TAFA2: variants seen among roughly 807,000 people sequenced by gnomAD.
The protein encoded by TAFA2 is chemokine-like protein TAFA-2.
In TAFA2, 7 loss-of-function variants were observed where a neutral mutation model predicts 18.8. The observed-to-expected ratio is 0.37, with a 90% confidence interval of 0.21 to 0.70. The LOEUF (loss-of-function observed/expected upper bound fraction) is 0.70. Ranked by LOEUF, TAFA2 falls within the 30% of genes least tolerant of loss-of-function variation. The pLI is 0.53. For synonymous variants in TAFA2, 60 were observed against 54.2 expected (o/e 1.11, Z -0.47); for missense variants, 122 against 158.1 (o/e 0.77, Z 1.23).
At chr12:61,992,365 C>A (rs1482890396) in intron 1 of TAFA2, among the ~76,000 whole-genome samples, 1 of 152,162 alleles carries the variant, frequency 6.6e-6, no homozygotes, top group Non-Finnish European at 1.5e-5. Flanking sequence ...CCACAGGCTT[C>A]AATCCATAGG....
At chr12:62,038,387 T>G (rs928497146) in intron 1 of TAFA2, among the ~76,000 whole-genome samples, 6 of 152,068 alleles carry the variant, frequency 3.9e-5, no homozygotes, top group African/African-American at 1.4e-4. Context: ...ATCCACAAAC[T>G]CGACCAACTG....
chr12:62,098,472 A>G lies in TAFA2; in HGVS notation c.-2+92787T>C, dbSNP rs544517520. On this transcript the variant is annotated intron_variant, in intron 1 of 4. Coordinates refer to ENST00000416284, the MANE Select transcript of TAFA2 (RefSeq NM_178539.5). Reference sequence around the variant, plus strand: ...CCATGTGGAAAAATCCTTCCAAAATAGGACAAAAGTATCAAAAAATAGACA... The same window carrying G: ...CCATGTGGAAAAATCCTTCCAAAATGGGACAAAAGTATCAAAAAATAGACA... 3.3e-5 allele frequency among the ~76,000 whole-genome samples: 5 copies of G among 152,258 alleles called. No homozygotes were observed. The East Asian group carries it at 7.7e-4, about 24-fold the overall frequency.
intron 1 of TAFA2, among the ~76,000 whole-genome samples, chr12:62,089,804 G>A (rs970821994): frequency 8.5e-5 from 13 of 152,050 alleles, no homozygotes; most frequent in African/African-American, 3.1e-4. Flanking sequence ...AGGTTTTCAT[G>A]ATCAACAGCT....
chr12:62,134,200 G>C lies in TAFA2; in HGVS notation c.-2+57059C>G, dbSNP rs1296570752. On this transcript the variant is annotated intron_variant, in intron 1 of 4. Transcript: ENST00000416284. Reference sequence around the variant, plus strand: ...ACAAACCTACAGCCTTTCCCAGATTGCTATCACAATACTGTTGATACAAAC... The same window carrying C: ...ACAAACCTACAGCCTTTCCCAGATTCCTATCACAATACTGTTGATACAAAC... 6.6e-5 allele frequency among the ~76,000 whole-genome samples: 10 copies of C among 151,838 alleles called. 1 individual carries two copies. The highest frequency in any genetic ancestry group is 6.6e-4 in the Admixed American group (10 of 15,206).
chr12:61,947,248 A>T (rs1359255780), intron 1 of TAFA2, among the ~76,000 whole-genome samples: 1 of 145,456 alleles, frequency 6.9e-6, no homozygotes, highest in Non-Finnish European at 1.5e-5. Context: ...ATAGGTGGGA[A>T]TTGAACAATG....
intron 2 of TAFA2, among the ~76,000 whole-genome samples, chr12:61,858,160 G>A (rs897898666): frequency 6.6e-6 from 1 of 152,222 alleles, no homozygotes; most frequent in African/African-American, 2.4e-5. Flanking sequence ...CACGAGCCCT[G>A]TGAAACATTG....
chr12:61,738,300 C>CACACAG (rs1207186543), intron 4 of TAFA2, among the ~76,000 whole-genome samples: 3 of 139,376 alleles, frequency 2.2e-5, no homozygotes, highest in Admixed American at 7.5e-5. Flanking sequence ...AACACACACA[C>CACACAG]ACACACACAC....
At chr12:61,801,160 G>A (rs1190513860) in intron 2 of TAFA2, among the ~76,000 whole-genome samples, 1 of 152,006 alleles carries the variant, frequency 6.6e-6, no homozygotes, top group Non-Finnish European at 1.5e-5. Flanking sequence ...TTCATGAATT[G>A]GAAGAATTAA....
intron 1 of TAFA2, among the ~76,000 whole-genome samples, chr12:61,958,219 A>G (rs947713306): frequency 6.6e-6 from 1 of 152,124 alleles, no homozygotes; most frequent in Admixed American, 6.6e-5. Flanking sequence ...CAATCCCTCC[A>G]AGATATCCAG....
intron 1 of TAFA2, among the ~76,000 whole-genome samples, chr12:61,871,112 G>A (rs535150863): frequency 2.6e-5 from 4 of 151,992 alleles, no homozygotes; most frequent in Non-Finnish European, 5.9e-5. Context: ...AAAAAGAGTC[G>A]GGGGGGCATG....
In TAFA2 at chr12:61,770,861, A is replaced by T. The variant is rs534726131; in HGVS notation, c.107-15837T>A. Among the ~76,000 whole-genome samples the T allele has an allele frequency of 2.6e-5, 4 of 152,226 alleles. No homozygotes were observed. In the East Asian group the frequency reaches 5.8e-4, roughly 22 times the overall value. On this transcript the variant is annotated intron_variant, in intron 2 of 4. Coordinates refer to ENST00000416284, the MANE Select transcript of TAFA2 (RefSeq NM_178539.5). ...AGAAACCCAAGGTATCAAAGCAATA[A>T]CTAGTACAGTGAATAGAAGAGTACC...
intron 1 of TAFA2, among the ~76,000 whole-genome samples, chr12:62,023,191 A>T (rs1216709671): frequency 6.6e-6 from 1 of 152,194 alleles, no homozygotes; most frequent in East Asian, 1.9e-4. Context: ...TGAATGAAAT[A>T]ACAATGGATT....
At chr12:62,242,359 G>C (rs1178323740) in intron 1 of TAFA2, 1 of 151,960 alleles carries the variant, frequency 6.6e-6, no homozygotes, top group Non-Finnish European at 1.5e-5. Context: ...CAAGATAGAA[G>C]ATAAAAGTAT....
At chr12:62,072,044 C>T (rs1400310306) in intron 1 of TAFA2, among the ~76,000 whole-genome samples, 1 of 152,198 alleles carries the variant, frequency 6.6e-6, no homozygotes, top group Non-Finnish European at 1.5e-5. Context: ...TTTTCACACT[C>T]ATTTTTCTCC....
At chr12:62,118,389 T>G (rs1870052309) in intron 1 of TAFA2, among the ~76,000 whole-genome samples, 1 of 152,128 alleles carries the variant, frequency 6.6e-6, no homozygotes, top group Non-Finnish European at 1.5e-5. Context: ...TGATGTCTAT[T>G]TAGATTGTTT....
intron 1 of TAFA2, among the ~76,000 whole-genome samples, chr12:61,907,410 C>T (rs922693296): frequency 1.3e-5 from 2 of 152,186 alleles, no homozygotes; most frequent in Admixed American, 1.3e-4. Flanking sequence ...AGCCCCAAGT[C>T]TTGGCAGCTT....
rs1872559479 is a variant in TAFA2 at position 61,827,077 on chromosome 12, T to C, written c.106+40243A>G. 6 of 151,996 alleles carry C rather than the reference T, an allele frequency of 3.9e-5. No individual in the cohort carries two copies. The South Asian group carries it at 1.0e-3, about 26-fold the overall frequency. The allele number at this position is 151,996 out of a possible 1,614,324, so 9.4% of individuals were successfully genotyped here. A position where few individuals can be genotyped will look rare whatever the true frequency, so the allele number is the denominator to read the frequency against. On this transcript the variant is annotated intron_variant, in intron 2 of 4. Coordinates refer to ENST00000416284, the MANE Select transcript of TAFA2 (RefSeq NM_178539.5). Reference sequence around the variant, plus strand: ...CCATTCCTTTGCAATTGCAGGTAGATATATGATTCAGTTTTGGTCAAAGTG... The same window carrying C: ...CCATTCCTTTGCAATTGCAGGTAGACATATGATTCAGTTTTGGTCAAAGTG...
rs560812636 is a variant in TAFA2 at position 62,029,037 on chromosome 12, G to T, written c.-1-161611C>A. 1.6e-3 allele frequency among the ~76,000 whole-genome samples: 251 copies of T among 152,152 alleles called. 1 individual carries two copies. Among genetic ancestry groups the T allele is most frequent in the African/African-American group, 5.8e-3 (242 of 41,518 alleles). ...ATATGCATTAGAAAATTTATAAAGAGATTTTTTAACTGAATAATATGTTAA... is the reference window on the plus strand; with the variant it reads ...ATATGCATTAGAAAATTTATAAAGATATTTTTTAACTGAATAATATGTTAA... On this transcript the variant is annotated intron_variant, in intron 1 of 4. Transcript: ENST00000416284.
At chr12:62,054,447 C>A (rs1460103219) in intron 1 of TAFA2, among the ~76,000 whole-genome samples, 1 of 152,118 alleles carries the variant, frequency 6.6e-6, no homozygotes, top group Non-Finnish European at 1.5e-5. Context: ...TCAGAGTTCA[C>A]CTCAATATCT....
Sources: gnomAD v4.1 joint callset for allele counts (sites outside exome capture counted in the v4.1 genomes callset) on GRCh38, gnomAD v4.1.1 for gene constraint, MANE v1.5 for transcripts, NCBI Gene and HGNC (gene_info 2026-07-23, HGNC 2026-07-21) for gene names.